The following NALF2 variants were observed in gnomAD, a reference collection of about 807,000 sequenced individuals.
NALF2 encodes the protein bB57D9.1 (TED protein).
In NALF2, 1 loss-of-function variant was observed where a neutral mutation model predicts 24.8. The ratio of observed to expected loss-of-function variants is 0.04; its 90% CI spans 0.01 to 0.19. NALF2 has a LOEUF of 0.19. Ranked by LOEUF, NALF2 falls within the 10% of genes least tolerant of loss-of-function variation. The probability of loss-of-function intolerance (pLI) is 1.00; values close to 1 mark genes in which losing one functional copy is unlikely to be tolerated. For missense variants in NALF2, 458 were observed against 409.6 expected, an observed-to-expected ratio of 1.12 and a Z score of -1.02; for synonymous variants, 254 against 189.8, an observed-to-expected ratio of 1.34 and a Z score of -2.78.
chrX:69,504,616 G>T lies in NALF2; in HGVS notation c.-667G>T, dbSNP rs992648541. On this transcript the variant is annotated 5_prime_UTR_variant, in exon 1 of 3. Coordinates refer to ENST00000252338, the MANE Select transcript of NALF2 (RefSeq NM_015686.3). ...CCGAGCCGGAACTCCAGGAGCAGCG[G>T]GTGCGGAGCCAGAGCGGAGCCCGCC... Among the ~76,000 whole-genome samples, 20 of 113,066 alleles carry T rather than the reference G, an allele frequency of 1.8e-4. No homozygotes were observed. Among genetic ancestry groups the T allele is most frequent in the Non-Finnish European group, 3.8e-4 (20 of 53,073 alleles).
intron 1 of NALF2, among the ~76,000 whole-genome samples, chrX:69,528,001 T>G (rs76999404): frequency 0.071 from 7,829 of 110,262 alleles, 410 homozygotes; most frequent in East Asian, 0.31. Context: ...TGTTGTTGTT[T>G]TTTTTTTTGG....
chrX:69,522,006 G>A (rs1288460022), intron 1 of NALF2, among the ~76,000 whole-genome samples: 5 of 112,058 alleles, frequency 4.5e-5, no homozygotes, highest in Admixed American at 1.9e-4. Flanking sequence ...GGACAGGAAG[G>A]TAGCTGTTCC....
At chrX:69,513,157 G>T (rs1214803186) in intron 1 of NALF2, among the ~76,000 whole-genome samples, 2 of 111,950 alleles carry the variant, frequency 1.8e-5, no homozygotes, top group Non-Finnish European at 3.8e-5. Context: ...AGCAGAGCAC[G>T]AGGGGAGAAG....
At chrX:69,519,285 G>A (rs1034459935) in intron 1 of NALF2, among the ~76,000 whole-genome samples, 1 of 111,711 alleles carries the variant, frequency 9.0e-6, no homozygotes, top group East Asian at 2.8e-4. Context: ...GTTGCTAGAG[G>A]TTTGGTTTTC....
At position 69,517,438 on chromosome X, in the gene NALF2, T is replaced by C. The variant is rs758546258; in HGVS notation, c.861+11295T>C. Among the ~76,000 whole-genome samples, 3 of 112,081 alleles carry C rather than the reference T, an allele frequency of 2.7e-5. No homozygotes were observed. In the East Asian group the frequency reaches 8.5e-4, roughly 32 times the overall value. On this transcript the variant is annotated intron_variant, in intron 1 of 2. Coordinates refer to ENST00000252338, the MANE Select transcript of NALF2 (RefSeq NM_015686.3). ...AAAGATCTGTCTCTACCTCAAGGGATAGTTGTGAGGTCTCAGTGAGTTAAT... is the reference window on the plus strand; with the variant it reads ...AAAGATCTGTCTCTACCTCAAGGGACAGTTGTGAGGTCTCAGTGAGTTAAT...
In NALF2 at chrX:69,528,221, G is replaced by A. The variant is rs998191224; in HGVS notation, c.862-772G>A. On this transcript the variant is annotated intron_variant, in intron 1 of 2. Coordinates refer to ENST00000252338, the MANE Select transcript of NALF2 (RefSeq NM_015686.3). ...GAATCTTCCTTAGCTAGGACCCAGT[G>A]CCTGGTAGGAGTGGACTAGATGAGG... is the stretch of plus-strand genomic sequence containing the variant. 3.6e-5 allele frequency among the ~76,000 whole-genome samples: 4 copies of A among 111,621 alleles called. No individual in the cohort carries two copies. In the Admixed American group the frequency reaches 3.8e-4, roughly 11 times the overall value.
Position 69,524,569 on chromosome X carries a change from G to A in NALF2, c.862-4424G>A, listed in dbSNP as rs1256832319. On this transcript the variant is annotated intron_variant, in intron 1 of 2. Transcript: ENST00000252338. Reference sequence around the variant, plus strand: ...CCAGCAAGCCCCACAACTCTCCTAAGCCGGGCCCTCCTGGCTTTCCTCCAT... The same window carrying A: ...CCAGCAAGCCCCACAACTCTCCTAAACCGGGCCCTCCTGGCTTTCCTCCAT... Among the ~76,000 whole-genome samples the A allele has an allele frequency of 2.7e-5, 3 of 111,026 alleles. No homozygotes were observed. In the East Asian group the frequency reaches 8.5e-4, roughly 32 times the overall value.
chrX:69,517,505 G>C (rs1930679340), intron 1 of NALF2, among the ~76,000 whole-genome samples: 1 of 112,469 alleles, frequency 8.9e-6, no homozygotes, highest in Non-Finnish European at 1.9e-5. Flanking sequence ...CTGGCATATA[G>C]TAAGCACTTA....
intron 1 of NALF2, among the ~76,000 whole-genome samples, chrX:69,514,634 T>C (rs1243143113): frequency 8.9e-6 from 1 of 111,746 alleles, no homozygotes; most frequent in Non-Finnish European, 1.9e-5. Context: ...TTTAACTTTT[T>C]GTGGAACTGC....
chrX:69,505,315 A>T lies in NALF2; in HGVS notation c.33A>T (p.Lys11Asn), dbSNP rs1421446287. 1.7e-6 allele frequency: 2 copies of T among 1,153,863 alleles called. No homozygotes were observed. Among genetic ancestry groups the T allele is most frequent in the Admixed American group, 5.3e-5 (2 of 37,609 alleles). ...GGGGCGCTTGGATGTGGCCCGGGAA[A>T]GACGCCGCCGCGCTGACTATCTGCT... MFRGAWMWPG[K>N]DAAALTICCC... The change falls in exon 1 of 3, where the codon AAA (lysine) becomes AAT (asparagine). Residue 11 changes from lysine (K) to asparagine (N), a missense_variant. Coordinates refer to ENST00000252338, the MANE Select transcript of NALF2 (RefSeq NM_015686.3).
intron 1 of NALF2, among the ~76,000 whole-genome samples, chrX:69,517,146 G>T (rs1285781103): frequency 9.0e-6 from 1 of 111,625 alleles, no homozygotes; most frequent in Non-Finnish European, 1.9e-5. Flanking sequence ...ATTTCAGTTC[G>T]AAATCTGTCT....
At chrX:69,515,183 C>T (rs1652443504) in intron 1 of NALF2, among the ~76,000 whole-genome samples, 1 of 111,925 alleles carries the variant, frequency 8.9e-6, no homozygotes, top group South Asian at 3.7e-4. Flanking sequence ...AACAATACAG[C>T]GGTTTATAAA....
chrX:69,509,662 A>G (rs1054288295), intron 1 of NALF2, among the ~76,000 whole-genome samples: 14 of 111,105 alleles, frequency 1.3e-4, no homozygotes, highest in Non-Finnish European at 2.5e-4. Context: ...CTGGGCTGAG[A>G]AGGAGGCAGG....
In NALF2 at chrX:69,528,004, T is replaced by G. The variant is rs188825438; in HGVS notation, c.862-989T>G. Among the ~76,000 whole-genome samples the G allele has an allele frequency of 9.7e-3, 1,071 of 110,804 alleles. 15 individuals are homozygous for G. The highest frequency in any genetic ancestry group is 0.033 in the African/African-American group (1,000 of 30,410). On this transcript the variant is annotated intron_variant, in intron 1 of 2. Coordinates refer to ENST00000252338, the MANE Select transcript of NALF2 (RefSeq NM_015686.3). ...TTGGTTTTTTTTTGTTGTTGTTTTT[T>G]TTTTTGGTTTTCACAAGAGGTGAGG...
chrX:69,505,786 C>G lies in NALF2; in HGVS notation c.504C>G (p.Pro168=). ...CTACTCCGGCCCCCCCTCTGCGGCC[C>G]CCTGACTCCCTTTCCCGTGCCCCGG... is the stretch of plus-strand genomic sequence containing the variant. The part of the protein sequence containing the change: ...EPTTPAPPLR[P]PDSLSRAPAE... The change falls in exon 1 of 3, where the codon CCC becomes CCG. Residue 168 remains proline (P), a synonymous_variant. Transcript: ENST00000252338. 8.3e-7 allele frequency: 1 copy of G among 1,211,247 alleles called. No homozygotes were observed. The highest frequency in any genetic ancestry group is 1.8e-5 in the South Asian group (1 of 56,977).
rs1930479572 is a variant in NALF2, at chrX:69,506,068, C to T, written c.786C>T (p.Asp262=). 8.3e-7 allele frequency: 1 copy of T among 1,209,245 alleles called. No homozygotes were observed. Among genetic ancestry groups the T allele is most frequent in the Non-Finnish European group, 1.1e-6 (1 of 894,046 alleles). The change falls in exon 1 of 3, where the codon GAC becomes GAT. Residue 262 remains aspartate, a synonymous_variant. Coordinates refer to ENST00000252338, the MANE Select transcript of NALF2 (RefSeq NM_015686.3). ...ACCGACACGCTCAGGAAAAATATGACGAGTTCGACCTCGTGCTGCATAAAT... is the reference window on the plus strand; with the variant it reads ...ACCGACACGCTCAGGAAAAATATGATGAGTTCGACCTCGTGCTGCATAAAT... ...RLDRHAQEKY[D]EFDLVLHKYL... is the part of the protein sequence containing the mutation.
intron 1 of NALF2, among the ~76,000 whole-genome samples, chrX:69,525,674 T>A (rs1457591507): frequency 9.2e-6 from 1 of 109,210 alleles, no homozygotes; most frequent in African/African-American, 3.3e-5. Context: ...TATCTCACCC[T>A]CTGTTATGTC....
In NALF2 at chrX:69,529,782, C is replaced by T. The variant is rs762196194; in HGVS notation, c.1245C>T (p.Pro415=). Residue 415 remains proline, a synonymous_variant, in exon 3 of 3, where the codon CCC becomes CCT. Coordinates refer to ENST00000252338, the MANE Select transcript of NALF2 (RefSeq NM_015686.3). ...CCCCAGGCCGTGTCAGCAACAAGCC[C>T]GCCCTGCTGCCGGTCTCTGGGGGCT... ...HDPPGRVSNK[P]ALLPVSGGSR... 4.3e-5 allele frequency: 52 copies of T among 1,209,930 alleles called. No individual in the cohort carries two copies. The highest frequency in any genetic ancestry group is 2.3e-4 in the Middle Eastern group (1 of 4,353).
chrX:69,520,898 A>G (rs1421594231), intron 1 of NALF2, among the ~76,000 whole-genome samples: 1 of 110,562 alleles, frequency 9.0e-6, no homozygotes, highest in African/African-American at 3.3e-5. Flanking sequence ...ACAACCTCTC[A>G]CTCAGACTGT....
Sources: allele counts gnomAD v4.1 joint callset (sites outside exome capture counted in the v4.1 genomes callset), GRCh38; gene constraint gnomAD v4.1.1; transcripts MANE v1.5; gene names NCBI Gene and HGNC (gene_info 2026-07-23, HGNC 2026-07-21).